The following ZNF335 variants were observed in gnomAD, a reference collection of about 807,000 sequenced individuals.
The protein encoded by ZNF335 is zinc finger protein 335.
Under a neutral mutation model 145.6 loss-of-function variants are expected in ZNF335, and 84 were observed. That is an observed-to-expected ratio of 0.58 (90% CI 0.48 to 0.69). The LOEUF (loss-of-function observed/expected upper bound fraction) is 0.69, where lower values mean the gene tolerates loss of function less well. ZNF335 is among the 30% of genes least tolerant of loss of function. ZNF335 has a pLI of 0.00. For missense variants in ZNF335, 1,865 were observed against 1,809.7 expected (o/e 1.03, Z -0.55); for synonymous variants, 761 against 717.0 (o/e 1.06, Z -0.98).
chr20:45,962,713 A>G (rs1600538705), intron 9 of ZNF335, among the ~76,000 whole-genome samples: 1 of 152,250 alleles, frequency 6.6e-6, no homozygotes, highest in African/African-American at 2.4e-5. Flanking sequence ...TTGGGCTGCA[A>G]TAAGGATTTA....
At chr20:45,959,843 G>A (rs2083801231) in intron 14 of ZNF335, among the ~76,000 whole-genome samples, 1 of 152,230 alleles carries the variant, frequency 6.6e-6, no homozygotes, top group South Asian at 2.1e-4. Flanking sequence ...TGCCAAGGCA[G>A]GGTCTGGAAG....
chr20:45,968,253 G>C (rs377611019), intron 4 of ZNF335, 32 bp downstream of exon 4: 27 of 1,605,804 alleles, frequency 1.7e-5, no homozygotes, highest in African/African-American at 2.7e-5. Flanking sequence ...GCCCACTGCA[G>C]GCCTCCCCGA....
chr20:45,971,484 T>G (rs1396235586), intron 1 of ZNF335, 24 bp from the exon 2 acceptor site: 3 of 1,562,468 alleles, frequency 1.9e-6, no homozygotes, highest in Non-Finnish European at 2.6e-6. Flanking sequence ...TGACCGTGGC[T>G]GGAACAAGTG....
intron 24 of ZNF335, 57 bp from the exon 25 acceptor site, chr20:45,949,625 A>G: frequency 6.5e-7 from 1 of 1,533,222 alleles, no homozygotes; most frequent in South Asian, 1.2e-5. Flanking sequence ...ACTCGCCAGG[A>G]GCTTAGCTAA....
chr20:45,954,815 T>C (rs2145367860), intron 17 of ZNF335, among the ~76,000 whole-genome samples: 1 of 140,692 alleles, frequency 7.1e-6, no homozygotes. Flanking sequence ...TTGCTCAGGC[T>C]GGAGTGCAGT....
intron 2 of ZNF335, among the ~76,000 whole-genome samples, chr20:45,970,465 T>C (rs2084038206): frequency 6.6e-6 from 1 of 152,252 alleles, no homozygotes; most frequent in South Asian, 2.1e-4. Context: ...TGTTAATTCA[T>C]TTCATCCTCA....
At chr20:45,949,668 A>G (rs928981956) in intron 24 of ZNF335, 100 bp from the exon 25 acceptor site, 1 of 1,449,772 alleles carries the variant, frequency 6.9e-7, no homozygotes, top group Non-Finnish European at 9.5e-7. Context: ...AACAGCCACC[A>G]GCAACAATGC....
At chr20:45,968,212 C>T (rs1266654411) in intron 4 of ZNF335, 73 bp downstream of exon 4, 13 of 1,543,910 alleles carry the variant, frequency 8.4e-6, no homozygotes, top group East Asian at 4.5e-5. Context: ...AGACGGAATC[C>T]GCGGCAGAAC....
chr20:45,962,006 G>C (rs1353069547), intron 10 of ZNF335, 64 bp downstream of exon 10: 2 of 1,296,964 alleles, frequency 1.5e-6, no homozygotes, highest in East Asian at 4.7e-5. Flanking sequence ...TGGTTATCCC[G>C]GGCCTCCACT....
intron 22 of ZNF335, 38 bp from the exon 23 acceptor site, chr20:45,950,107 G>A: frequency 1.2e-6 from 2 of 1,610,740 alleles, no homozygotes; most frequent in Non-Finnish European, 1.7e-6. Flanking sequence ...TGGGGTCCAG[G>A]AAAACCTGCA....
chr20:45,952,641 TGGGTGCCAGCTTCTTTTA>T lies in ZNF335; in HGVS notation c.2753_2770del (p.Leu918_Thr923del). ...GGTACCATCAGTAGCCATGATGTAG[TGGGTGCCAGCTTCTTTTA>T]GGGTGTCACTCACAACCACAGCCTG... On this transcript the variant is annotated inframe_deletion, in exon 19 of 28. Transcript: ENST00000322927. 6.2e-7 allele frequency: 1 copy of T among 1,613,818 alleles called. No homozygotes were observed. Among genetic ancestry groups the T allele is most frequent in the Non-Finnish European group, 8.5e-7 (1 of 1,179,982 alleles).
intron 14 of ZNF335, among the ~76,000 whole-genome samples, chr20:45,959,859 C>T (rs562529082): frequency 6.6e-6 from 1 of 152,324 alleles, no homozygotes; most frequent in African/African-American, 2.4e-5. Flanking sequence ...GGAAGAGCCT[C>T]CTCTCCAGCC....
Position 45,965,734 on chromosome 20 carries a change from G to C in ZNF335, c.996C>G (p.Gly332=). 6.2e-7 allele frequency: 1 copy of C among 1,606,172 alleles called. No individual in the cohort carries two copies. Among genetic ancestry groups the C allele is most frequent in the Non-Finnish European group, 8.5e-7 (1 of 1,176,584 alleles). ...TGGGGCGCTGGAGCCGAAGCTGCCG[G>C]CCTCGGGGCTCATCCTCAGCTGGAT... ...DYNPAEDEPR[G]RQLRLQRPTP... Residue 332 remains glycine, a synonymous_variant, in exon 7 of 28, where the codon GGC becomes GGG. Coordinates refer to ENST00000322927, the MANE Select transcript of ZNF335 (RefSeq NM_022095.4).
chr20:45,948,767 C>T lies in ZNF335; in HGVS notation c.*186G>A, dbSNP rs963592144. 20 of 867,920 alleles carry T rather than the reference C, an allele frequency of 2.3e-5. No individual in the cohort carries two copies. Among genetic ancestry groups the T allele is most frequent in the Non-Finnish European group, 3.2e-5 (18 of 569,358 alleles). The allele number at this position is 867,920 out of a possible 1,614,324, so 53.8% of individuals were successfully genotyped here. A position where few individuals can be genotyped will look rare whatever the true frequency, so the allele number is the denominator to read the frequency against. ...CCTGCCTGCAGGCTGGGGCACCCAG[C>T]ATGTCCTGGCTGGGGCCCATGGCTG... is the stretch of plus-strand genomic sequence containing the variant. On this transcript the variant is annotated 3_prime_UTR_variant, in exon 28 of 28. Coordinates refer to ENST00000322927, the MANE Select transcript of ZNF335 (RefSeq NM_022095.4).
intron 3 of ZNF335, 62 bp downstream of exon 3, chr20:45,969,389 G>T: frequency 6.9e-7 from 1 of 1,446,354 alleles, no homozygotes; most frequent in South Asian, 1.6e-5. Context: ...CAGCTAGGGT[G>T]GGCACAGCTG....
chr20:45,960,488 AT>A lies in ZNF335; in HGVS notation c.1819del (p.Met607CysfsTer31). On this transcript the variant is annotated frameshift_variant, in exon 13 of 28. Coordinates refer to ENST00000322927, the MANE Select transcript of ZNF335 (RefSeq NM_022095.4). LOFTEE classifies it high-confidence loss of function. The stretch of plus-strand genomic sequence containing the variant: ...AGCCTGGATGTGCGTGAGCAGGTGC[AT>A]TTTGAAGGTGTAGCGCTTCTTAAAG... ...KSFKKRYTFK[M>X]HLLTHIQAVA... 3.7e-6 allele frequency: 6 copies of A among 1,614,186 alleles called. No individual in the cohort carries two copies. Among genetic ancestry groups the A allele is most frequent in the Non-Finnish European group, 5.1e-6 (6 of 1,180,030 alleles).
chr20:45,968,456 C>G, intron 3 of ZNF335, 94 bp from the exon 4 acceptor site: 1 of 1,139,904 alleles, frequency 8.8e-7, no homozygotes, highest in South Asian at 1.3e-5. Context: ...GTGAGCAGGG[C>G]TGGTCCACAC....
In ZNF335 at chr20:45,967,598, C is replaced by A; in HGVS notation, c.851G>T (p.Arg284Leu). The change falls in exon 6 of 28, where the codon CGT becomes CTT. Residue 284 changes from arginine to leucine, a missense_variant. Transcript: ENST00000322927. ...GGTGGAGGTGCTCCACTTCCGTAGACGTCCTTTTTTACCAGCTGCTGCTGC... is the reference window on the plus strand; with the variant it reads ...GGTGGAGGTGCTCCACTTCCGTAGAAGTCCTTTTTTACCAGCTGCTGCTGC... ...AAAAAAGKKG[R>L]LRKWSTSTKS... 1 of 1,614,046 alleles carries A rather than the reference C, an allele frequency of 6.2e-7. No individual in the cohort carries two copies. The highest frequency in any genetic ancestry group is 1.7e-5 in the Admixed American group (1 of 60,016).
At chr20:45,968,499 G>T in intron 3 of ZNF335, 137 bp from the exon 4 acceptor site, 2 of 740,492 alleles carry the variant, frequency 2.7e-6, no homozygotes, top group Non-Finnish European at 4.5e-6. Context: ...CTGCAAACCA[G>T]CTGTGTCACC....
Sources: gnomAD v4.1 joint callset for allele counts (sites outside exome capture counted in the v4.1 genomes callset) on GRCh38, gnomAD v4.1.1 for gene constraint, MANE v1.5 for transcripts, NCBI Gene and HGNC (gene_info 2026-07-23, HGNC 2026-07-21) for gene names.